ENTREP2: variants seen among roughly 807,000 people sequenced by gnomAD.
ENTREP2 encodes endosomal transmembrane epsin interactor 2.
the ENTREP2 span, among the ~76,000 whole-genome samples, chr15:29,141,769 T>C: frequency 6.6e-6 from 1 of 152,192 alleles, no homozygotes; most frequent in Admixed American, 6.5e-5. Flanking sequence ...CTACCGAAGT[T>C]TGCTGAATCA....
At chr15:29,321,542 G>T in the ENTREP2 span, among the ~76,000 whole-genome samples, 2 of 151,644 alleles carry the variant, frequency 1.3e-5, no homozygotes, top group East Asian at 3.9e-4. Context: ...CCAGGTACTC[G>T]GGAGGCTGAG....
At chr15:29,532,470 C>T in the ENTREP2 span, among the ~76,000 whole-genome samples, 1 of 152,204 alleles carries the variant, frequency 6.6e-6, no homozygotes, top group East Asian at 1.9e-4. Context: ...CTGGCAGACA[C>T]AAAACTGGTG....
the ENTREP2 span, among the ~76,000 whole-genome samples, chr15:29,170,474 T>C: frequency 6.6e-6 from 1 of 152,112 alleles, no homozygotes; most frequent in African/African-American, 2.4e-5. Flanking sequence ...AAATAAATAA[T>C]GAGATCTTGT....
the ENTREP2 span, among the ~76,000 whole-genome samples, chr15:29,640,709 C>T: frequency 6.9e-6 from 1 of 145,032 alleles, no homozygotes; most frequent in East Asian, 2.0e-4. Flanking sequence ...AAAAAAGATT[C>T]CCACAAAGAA....
At chr15:29,408,020 G>A in the ENTREP2 span, among the ~76,000 whole-genome samples, 1,837 of 152,078 alleles carry the variant, frequency 0.012, 34 homozygotes, top group African/African-American at 0.042. Flanking sequence ...AACTTTCAGA[G>A]AAAGGATTTA....
the ENTREP2 span, among the ~76,000 whole-genome samples, chr15:29,450,344 G>A: frequency 2.6e-5 from 4 of 152,060 alleles, no homozygotes; most frequent in African/African-American, 9.7e-5. Context: ...TATCTTCCAG[G>A]GTTTTTATAG....
At chr15:29,344,487 T>C in the ENTREP2 span, among the ~76,000 whole-genome samples, 1 of 152,098 alleles carries the variant, frequency 6.6e-6, no homozygotes, top group African/African-American at 2.4e-5. Context: ...AGGGGCTTTA[T>C]AGAAGGGTCT....
chr15:29,661,305 A>G, the ENTREP2 span, among the ~76,000 whole-genome samples: 56 of 152,146 alleles, frequency 3.7e-4, no homozygotes, highest in African/African-American at 1.2e-3. Flanking sequence ...GGTTCAAGTG[A>G]TTGTCCTGCC....
At chr15:29,372,018 C>T in the ENTREP2 span, among the ~76,000 whole-genome samples, 1,219 of 152,106 alleles carry the variant, frequency 8.0e-3, 21 homozygotes, top group African/African-American at 0.028. Context: ...ATCCAATAGA[C>T]GAATAACTAG....
At chr15:29,338,578 T>C in the ENTREP2 span, among the ~76,000 whole-genome samples, 2 of 151,990 alleles carry the variant, frequency 1.3e-5, no homozygotes, top group East Asian at 3.9e-4. Flanking sequence ...GATGTCTCTT[T>C]GTGTCGCCTC....
At chr15:29,472,472 C>CACAT in the ENTREP2 span, among the ~76,000 whole-genome samples, 1 of 120,690 alleles carries the variant, frequency 8.3e-6, no homozygotes, top group Non-Finnish European at 1.7e-5. Context: ...CACACACACA[C>CACAT]ATATAAATTT....
the ENTREP2 span, among the ~76,000 whole-genome samples, chr15:29,262,475 T>C: frequency 6.6e-6 from 1 of 152,180 alleles, no homozygotes; most frequent in Non-Finnish European, 1.5e-5. Context: ...TGCACAGTTG[T>C]CAATCATGCC....
At chr15:29,289,980 C>T in the ENTREP2 span, among the ~76,000 whole-genome samples, 1 of 152,148 alleles carries the variant, frequency 6.6e-6, no homozygotes, top group African/African-American at 2.4e-5. Flanking sequence ...CGACGAAACA[C>T]TGTACAGCAA....
chr15:29,650,661 G>T, the ENTREP2 span, among the ~76,000 whole-genome samples: 1 of 152,050 alleles, frequency 6.6e-6, no homozygotes, highest in Non-Finnish European at 1.5e-5. Flanking sequence ...AAAAGGTAGA[G>T]GTACAAATGT....
the ENTREP2 span, among the ~76,000 whole-genome samples, chr15:29,504,131 A>G: frequency 6.6e-6 from 1 of 152,208 alleles, no homozygotes; most frequent in African/African-American, 2.4e-5. Flanking sequence ...TGACGATTAT[A>G]GTGACATTAA....
chr15:29,280,169 A>G, the ENTREP2 span, among the ~76,000 whole-genome samples: 1 of 152,232 alleles, frequency 6.6e-6, no homozygotes, highest in South Asian at 2.1e-4. Flanking sequence ...TAGATCATTA[A>G]AAGACGTATC....
the ENTREP2 span, among the ~76,000 whole-genome samples, chr15:29,407,842 GT>G: frequency 4.6e-5 from 7 of 151,520 alleles, no homozygotes; most frequent in Admixed American, 2.6e-4. Context: ...ATTTTTTGGG[GT>G]TTTTTTTGCA....
the ENTREP2 span, chr15:29,269,116 TCA>T: frequency 1.2e-6 from 2 of 1,613,970 alleles, no homozygotes; most frequent in Non-Finnish European, 8.5e-7. Flanking sequence ...GTCCCAGGCT[TCA>T]GTTTCCTTGA....
chr15:29,645,990 G>A, the ENTREP2 span, among the ~76,000 whole-genome samples: 1 of 152,164 alleles, frequency 6.6e-6, no homozygotes, highest in Non-Finnish European at 1.5e-5. Flanking sequence ...ACTGTGGCAG[G>A]TCACACTGGA....
Sources: gnomAD v4.1 joint callset for allele counts (sites outside exome capture counted in the v4.1 genomes callset) on GRCh38, gnomAD v4.1.1 for gene constraint, MANE v1.5 for transcripts, NCBI Gene and HGNC (gene_info 2026-07-23, HGNC 2026-07-21) for gene names.